Variants in SEMA3D observed in about 807,000 individuals in gnomAD.
SEMA3D encodes semaphorin-3D.
SEMA3D carries 84 observed loss-of-function variants against 100.1 expected under a neutral mutation model. The observed-to-expected ratio is 0.84, with a 90% CI of 0.70 to 1.01. The LOEUF is 1.01. SEMA3D is among the 50% of genes least tolerant of loss of function. The probability of loss-of-function intolerance (pLI) is 0.00; values close to 1 mark genes in which losing one functional copy is unlikely to be tolerated. For missense variants in SEMA3D, 875 were observed against 934.1 expected, an observed-to-expected ratio of 0.94 and a Z score of 0.82; for synonymous variants, 312 against 320.7, an observed-to-expected ratio of 0.97 and a Z score of 0.29.
chr7:85,174,763 G>A (rs866411089), intron 1 of SEMA3D, among the ~76,000 whole-genome samples: 4 of 152,076 alleles, frequency 2.6e-5, no homozygotes, highest in South Asian at 4.1e-4. Flanking sequence ...TAGAGGCATC[G>A]GTTGACGGCT....
At chr7:85,044,916 C>T (rs1008703127) in intron 9 of SEMA3D, among the ~76,000 whole-genome samples, 3 of 152,012 alleles carry the variant, frequency 2.0e-5, no homozygotes, top group Non-Finnish European at 1.5e-5. Flanking sequence ...CTCTACTCAA[C>T]TCCCAATATG....
the SEMA3D span, among the ~76,000 whole-genome samples, chr7:85,197,595 G>A: frequency 4.0e-5 from 6 of 151,818 alleles, no homozygotes; most frequent in Non-Finnish European, 7.4e-5. Flanking sequence ...CGACCACCTT[G>A]GGCAGATGTT....
At chr7:85,103,866 GAGA>G (rs1788823562) in intron 3 of SEMA3D, among the ~76,000 whole-genome samples, 1 of 152,022 alleles carries the variant, frequency 6.6e-6, no homozygotes, top group African/African-American at 2.4e-5. Context: ...GGATGACACA[GAGA>G]AGATGTTCTT....
intron 9 of SEMA3D, among the ~76,000 whole-genome samples, chr7:85,048,019 G>C (rs924110854): frequency 5.3e-5 from 8 of 151,646 alleles, no homozygotes; most frequent in African/African-American, 1.9e-4. Context: ...ACCTTCTTTT[G>C]AAGTGTGATA....
chr7:85,017,585 T>A (rs1455058470), intron 15 of SEMA3D, among the ~76,000 whole-genome samples: 3 of 151,804 alleles, frequency 2.0e-5, no homozygotes, highest in Non-Finnish European at 4.4e-5. Context: ...CTTTCTTATA[T>A]CTTGGGGGTG....
At chr7:85,183,977 C>T (rs953534947) in intron 1 of SEMA3D, among the ~76,000 whole-genome samples, 14 of 151,832 alleles carry the variant, frequency 9.2e-5, no homozygotes, top group Admixed American at 3.9e-4. Flanking sequence ...TTGATAAATT[C>T]TTTTTCTTTT....
intron 8 of SEMA3D, among the ~76,000 whole-genome samples, chr7:85,059,430 G>C (rs1791413603): frequency 6.6e-6 from 1 of 152,028 alleles, no homozygotes; most frequent in Non-Finnish European, 1.5e-5. Context: ...CAAATATGTG[G>C]GATTACATCG....
rs370398304 is a variant in SEMA3D, at chr7:85,065,548, C to T, written c.594G>A (p.Glu198=). 1.3e-5 allele frequency: 21 copies of T among 1,612,484 alleles called. No homozygotes were observed. The highest frequency in any genetic ancestry group is 1.8e-5 in the Non-Finnish European group (21 of 1,178,882). ...QQPFASVMTD[E]YLYSGTASDF... ...CAGAAGCTGTTCCAGAGTAGAGGTA[C>T]TCATCTGAGAGGGAGAAAAAAGTAC... Residue 198 remains glutamate, a synonymous_variant, in exon 8 of 19, where the codon GAG becomes GAA. Coordinates refer to ENST00000284136, the MANE Select transcript of SEMA3D (RefSeq NM_001384900.1).
At chr7:85,213,321 C>T in the SEMA3D span, among the ~76,000 whole-genome samples, 1 of 151,802 alleles carries the variant, frequency 6.6e-6, no homozygotes, top group Non-Finnish European at 1.5e-5. Flanking sequence ...TCTACAAATG[C>T]TAAAAGTACC....
chr7:85,042,987 T>C (rs1377254461), intron 9 of SEMA3D, among the ~76,000 whole-genome samples: 1 of 152,206 alleles, frequency 6.6e-6, no homozygotes, highest in Admixed American at 6.6e-5. Flanking sequence ...TTTAGCAATA[T>C]GTCTCTTTAT....
At chr7:85,098,014 A>T (rs768982367) in intron 3 of SEMA3D, 49 bp from the exon 4 acceptor site, 17 of 996,960 alleles carry the variant, frequency 1.7e-5, no homozygotes, top group Non-Finnish European at 1.6e-5. Context: ...AAAGAAAGAA[A>T]GAAAGAGAAA....
chr7:85,147,072 CTTTCTTTTCTT>C (rs1790228593), intron 2 of SEMA3D, among the ~76,000 whole-genome samples: 7 of 74,008 alleles, frequency 9.5e-5, no homozygotes, highest in Non-Finnish European at 1.8e-4. Context: ...GTCCATCTTT[CTTTCTTTTCTT>C]TTTCTTTTCT....
intron 9 of SEMA3D, among the ~76,000 whole-genome samples, chr7:85,047,109 A>G (rs1198782569): frequency 6.6e-6 from 1 of 151,858 alleles, no homozygotes; most frequent in African/African-American, 2.4e-5. Flanking sequence ...GTTTTCCTGT[A>G]CTTGTTATAT....
Position 85,022,447 on chromosome 7 carries a change from A to G in SEMA3D, c.1358T>C (p.Val453Ala), listed in dbSNP as rs1364980985. Reference sequence around the variant, plus strand: ...ATCTTCTGCAATGACATGATCCACCACTATCTGTGTCAGTCTGTAATCCAC... The same window carrying G: ...ATCTTCTGCAATGACATGATCCACCGCTATCTGTGTCAGTCTGTAATCCAC... The part of the protein sequence containing the change: ...INVDYRLTQI[V>A]VDHVIAEDGQ... Residue 453 changes from valine (V) to alanine (A), a missense_variant, in exon 13 of 19, where the codon GTG becomes GCG. Physicochemically the swap from Val to Ala is moderately conservative, Grantham distance 64. Transcript: ENST00000284136. 5 of 1,612,336 alleles carry G rather than the reference A, an allele frequency of 3.1e-6. No homozygotes were observed. Among genetic ancestry groups the G allele is most frequent in the Non-Finnish European group, 3.4e-6 (4 of 1,178,930 alleles).
At chr7:85,144,489 A>C (rs1289641971) in intron 2 of SEMA3D, 8 of 976,854 alleles carry the variant, frequency 8.2e-6, no homozygotes, top group Non-Finnish European at 9.7e-6. Context: ...GATAGAGGGG[A>C]AAGATTCTCA....
intron 11 of SEMA3D, among the ~76,000 whole-genome samples, chr7:85,040,219 ATC>A (rs1251821522): frequency 2.0e-5 from 3 of 151,870 alleles, no homozygotes; most frequent in Non-Finnish European, 4.4e-5. Flanking sequence ...GGCTCAAGCC[ATC>A]CTCCCCTTGG....
the SEMA3D span, among the ~76,000 whole-genome samples, chr7:85,237,690 G>A: frequency 1.3e-5 from 2 of 152,088 alleles, no homozygotes; most frequent in Non-Finnish European, 2.9e-5. Flanking sequence ...CCTATTGAAG[G>A]CCTTCTTGGT....
At position 85,068,059 on chromosome 7, in the gene SEMA3D, A is replaced by G. The variant is rs560349483; in HGVS notation, c.589+132T>C. ...TCAGTACAGACAAATTTGGCACTAAAATAATGGAAACAAATCGCTTGTGGA... is the reference window on the plus strand; with the variant it reads ...TCAGTACAGACAAATTTGGCACTAAGATAATGGAAACAAATCGCTTGTGGA... On this transcript the variant is annotated intron_variant, in intron 7 of 18. Transcript: ENST00000284136. The G allele has an allele frequency of 1.3e-5, 8 of 619,796 alleles. No homozygotes were observed. The African/African-American group carries it at 1.5e-4, about 11-fold the overall frequency. The allele number at this position is 619,796 out of a possible 1,614,324, so 38.4% of individuals were successfully genotyped here. A position where few individuals can be genotyped will look rare whatever the true frequency, so the allele number is the denominator to read the frequency against.
intron 3 of SEMA3D, among the ~76,000 whole-genome samples, chr7:85,116,332 A>G (rs1004238800): frequency 7.5e-5 from 11 of 146,584 alleles, no homozygotes; most frequent in African/African-American, 2.5e-4. Flanking sequence ...ATATAAATGT[A>G]TATATTTATG....
Sources: allele counts gnomAD v4.1 joint callset (sites outside exome capture counted in the v4.1 genomes callset), GRCh38; gene constraint gnomAD v4.1.1; transcripts MANE v1.5; gene names NCBI Gene and HGNC (gene_info 2026-07-23, HGNC 2026-07-21).